The following SIPA1L1 variants were observed in gnomAD, a reference collection of about 807,000 sequenced individuals.
The protein encoded by SIPA1L1 is signal-induced proliferation-associated 1-like protein 1.
Under a neutral mutation model 162.7 loss-of-function variants are expected in SIPA1L1, and 26 were observed. That is an observed-to-expected ratio of 0.16 (90% confidence interval 0.12 to 0.22). The LOEUF is 0.22. Ranked by LOEUF, SIPA1L1 falls within the 10% of genes least tolerant of loss-of-function variation. The pLI, the probability that SIPA1L1 is intolerant of heterozygous loss-of-function variation, is 1.00. For synonymous variants in SIPA1L1, 829 were observed against 837.4 expected, an observed-to-expected ratio of 0.99 and a Z score of 0.17; for missense variants, 1,874 against 2,241.0, an observed-to-expected ratio of 0.84 and a Z score of 3.31.
intron 16 of SIPA1L1, among the ~76,000 whole-genome samples, chr14:71,706,684 C>T (rs994156728): frequency 1.3e-5 from 2 of 152,092 alleles, no homozygotes; most frequent in Non-Finnish European, 2.9e-5. Flanking sequence ...AGAGTAACAC[C>T]AATAAAGTAA....
rs1415551057 is a variant in SIPA1L1 at position 71,491,501 on chromosome 14, A to C, written c.-464-21242A>C. On this transcript the variant is annotated intron_variant, in intron 2 of 23. Coordinates refer to ENST00000381232, the MANE Select transcript of SIPA1L1 (RefSeq NM_001386936.1). ...GTGCTCTAGAAGCAATATAAGCAGT[A>C]GTATTAGGGAGCAACCTGTTTGTTG... Among the ~76,000 whole-genome samples, 9 of 151,314 alleles carry C rather than the reference A, an allele frequency of 5.9e-5. No homozygotes were observed. In the Admixed American group the frequency reaches 6.0e-4, roughly 10 times the overall value.
rs894946744 is a variant in SIPA1L1, at chr14:71,699,256, G to C, written c.3521+129G>C. 11 of 898,364 alleles carry C rather than the reference G, an allele frequency of 1.2e-5. No individual in the cohort carries two copies. In the South Asian group the frequency reaches 1.4e-4, roughly 11 times the overall value. 55.6% of individuals were successfully genotyped at this position (898,364 alleles called of 1,614,324 possible). A position where few individuals can be genotyped will look rare whatever the true frequency, so the allele number is the denominator to read the frequency against. On this transcript the variant is annotated intron_variant, in intron 14 of 23. Transcript: ENST00000381232. ...TTTGTAGACAAACAAAAGAGAAAAC[G>C]TAGTTAATAATCCAGATAGAAAAAT...
chr14:71,324,321 TATAG>T (rs1044836246), intron 2 of SIPA1L1, among the ~76,000 whole-genome samples: 1 of 152,212 alleles, frequency 6.6e-6, no homozygotes. Context: ...TGTTGAAGGT[TATAG>T]AACTGGTTAA....
At chr14:71,672,966 C>T (rs1566619025) in intron 12 of SIPA1L1, among the ~76,000 whole-genome samples, 1 of 152,204 alleles carries the variant, frequency 6.6e-6, no homozygotes, top group South Asian at 2.1e-4. Context: ...AGACACTCAA[C>T]ATCTCAAATT....
At chr14:71,706,767 C>T (rs1043240736) in intron 16 of SIPA1L1, among the ~76,000 whole-genome samples, 2 of 152,154 alleles carry the variant, frequency 1.3e-5, no homozygotes, top group Non-Finnish European at 2.9e-5. Flanking sequence ...GGTACGGTGG[C>T]TCACACCTGT....
intron 2 of SIPA1L1, among the ~76,000 whole-genome samples, chr14:71,468,447 T>C (rs2047197910): frequency 1.3e-5 from 2 of 152,018 alleles, no homozygotes; most frequent in Non-Finnish European, 2.9e-5. Context: ...GACGGGGTGG[T>C]GGTTTCTCAC....
chr14:71,497,295 T>C (rs1022956082), intron 2 of SIPA1L1, among the ~76,000 whole-genome samples: 10 of 152,218 alleles, frequency 6.6e-5, no homozygotes, highest in Non-Finnish European at 1.5e-4. Context: ...TCGTTCTTCC[T>C]TGGCCTCCCA....
At chr14:71,436,088 G>A (rs1040056674) in intron 2 of SIPA1L1, among the ~76,000 whole-genome samples, 1 of 146,276 alleles carries the variant, frequency 6.8e-6, no homozygotes, top group Admixed American at 6.8e-5. Flanking sequence ...CTTGTTATAA[G>A]TGAGGTTGAA....
chr14:71,649,253 A>G (rs1406813603), intron 7 of SIPA1L1, among the ~76,000 whole-genome samples: 3 of 140,914 alleles, frequency 2.1e-5, no homozygotes, highest in Non-Finnish European at 4.5e-5. Flanking sequence ...AGTATGTGGT[A>G]CAGTCATGAC....
intron 5 of SIPA1L1, among the ~76,000 whole-genome samples, chr14:71,605,171 T>A (rs1251554345): frequency 6.6e-6 from 1 of 152,136 alleles, no homozygotes; most frequent in African/African-American, 2.4e-5. Flanking sequence ...AGTCTATTGT[T>A]GTTGCTTTCA....
rs560292791 is a variant in SIPA1L1 at position 71,394,631 on chromosome 14, A to C, written c.-465+73450A>C. On this transcript the variant is annotated intron_variant, in intron 2 of 23. Coordinates refer to ENST00000381232, the MANE Select transcript of SIPA1L1 (RefSeq NM_001386936.1). ...GTGAATAAAATGACCTCATCCAAAA[A>C]CAAACTGTTTAACTGTGTATTTGAG... Among the ~76,000 whole-genome samples, 5 of 152,290 alleles carry C rather than the reference A, an allele frequency of 3.3e-5. No individual in the cohort carries two copies. The East Asian group carries it at 7.7e-4, about 24-fold the overall frequency.
chr14:71,395,622 C>G (rs926459061), intron 2 of SIPA1L1, among the ~76,000 whole-genome samples: 4 of 152,138 alleles, frequency 2.6e-5, no homozygotes, highest in Non-Finnish European at 5.9e-5. Context: ...GATTGCTCTG[C>G]TTTGCTCCAG....
chr14:71,532,840 G>A (rs1360249008), intron 4 of SIPA1L1, among the ~76,000 whole-genome samples: 1 of 152,162 alleles, frequency 6.6e-6, no homozygotes, highest in African/African-American at 2.4e-5. Context: ...TTCCTCCATG[G>A]TTCCCATACT....
intron 2 of SIPA1L1, among the ~76,000 whole-genome samples, chr14:71,392,779 C>T (rs2040867810): frequency 6.6e-6 from 1 of 152,176 alleles, no homozygotes; most frequent in Admixed American, 6.5e-5. Context: ...GTGATCTGCC[C>T]GTCTCGGCCT....
At chr14:71,609,428 C>A (rs568540520) in intron 5 of SIPA1L1, among the ~76,000 whole-genome samples, 19 of 149,322 alleles carry the variant, frequency 1.3e-4, no homozygotes, top group African/African-American at 4.7e-4. Flanking sequence ...ACCACTGTGC[C>A]CAGCTAATAT....
At position 71,658,343 on chromosome 14, in the gene SIPA1L1, T is replaced by C. The variant is rs1246721706; in HGVS notation, c.2004T>C (p.Thr668=). 6.3e-7 allele frequency: 1 copy of C among 1,596,042 alleles called. No individual in the cohort carries two copies. Among genetic ancestry groups the C allele is most frequent in the Admixed American group, 1.7e-5 (1 of 59,988 alleles). The change falls in exon 9 of 24, where the codon ACT becomes ACC. Residue 668 remains threonine (T), a synonymous_variant. Coordinates refer to ENST00000381232, the MANE Select transcript of SIPA1L1 (RefSeq NM_001386936.1). Reference sequence around the variant, plus strand: ...TTTTTTTAACTGTAGCTGACTCCACTGGAACCCATTCTCTGTACACAACAT... The same window carrying C: ...TTTTTTTAACTGTAGCTGACTCCACCGGAACCCATTCTCTGTACACAACAT... ...RAQLDTKTDS[T]GTHSLYTTYK...
chr14:71,567,930 T>A (rs1334331242), intron 4 of SIPA1L1, among the ~76,000 whole-genome samples: 1 of 152,260 alleles, frequency 6.6e-6, no homozygotes, highest in African/African-American at 2.4e-5. Flanking sequence ...GCCATGGCAT[T>A]TGTAAACTGC....
At chr14:71,733,856 C>A in intron 21 of SIPA1L1, 44 bp downstream of exon 21, 1 of 1,589,178 alleles carries the variant, frequency 6.3e-7, no homozygotes, top group Non-Finnish European at 8.6e-7. Flanking sequence ...GATCCTGCAG[C>A]GGAGTGAGCA....
rs2034821861 is a variant in SIPA1L1, at chr14:71,588,010, A to G, written c.138A>G (p.Leu46=). 1 of 1,614,152 alleles carries G rather than the reference A, an allele frequency of 6.2e-7. No individual in the cohort carries two copies. The highest frequency in any genetic ancestry group is 1.3e-5 in the African/African-American group (1 of 75,052). Residue 46 remains leucine, a synonymous_variant, in exon 5 of 24, where the codon TTA becomes TTG. Transcript: ENST00000381232. The surrounding 1 kb of genome is among the most constrained non-coding windows in gnomAD (Gnocchi z 4.3). ...GCTTCCGGTCCCAAAATGGCAGCTTAGGATCATCAGTTATGGCTCCTGTAG... is the reference window on the plus strand; with the variant it reads ...GCTTCCGGTCCCAAAATGGCAGCTTGGGATCATCAGTTATGGCTCCTGTAG... ...MRRFRSQNGS[L]GSSVMAPVGP...
Sources: gnomAD v4.1 joint callset for allele counts (sites outside exome capture counted in the v4.1 genomes callset) on GRCh38, gnomAD v4.1.1 for gene constraint, Gnocchi (gnomAD v3.1) non-coding constraint, MANE v1.5 for transcripts, NCBI Gene and HGNC (gene_info 2026-07-23, HGNC 2026-07-21) for gene names.